The following ABCD3 variants were observed in gnomAD, a reference collection of about 807,000 sequenced individuals.
ABCD3 encodes the protein ATP-binding cassette sub-family D member 3.
ABCD3 carries 41 observed loss-of-function variants against 105.5 expected under a neutral mutation model. That is an observed-to-expected ratio of 0.39 (90% CI 0.30 to 0.50). The LOEUF is 0.50. Ranked by LOEUF, ABCD3 falls within the 20% of genes least tolerant of loss-of-function variation. ABCD3 has a pLI of 0.84. For synonymous variants in ABCD3, 258 were observed against 269.0 expected (o/e 0.96, Z 0.40); for missense variants, 622 against 806.3 (o/e 0.77, Z 2.77).
At chr1:94,502,412 G>A (rs559460742) in intron 20 of ABCD3, among the ~76,000 whole-genome samples, 4 of 151,766 alleles carry the variant, frequency 2.6e-5, no homozygotes, top group Non-Finnish European at 5.9e-5. Context: ...AAAGATGACA[G>A]ACAGTATGTC....
Position 94,518,523 on chromosome 1 carries a change from T to C in ABCD3, c.*1394T>C, listed in dbSNP as rs1176281987. ...AAAAAAAAAAAAAAAAACTCAGATA[T>C]CCTATACAACCTTTGCTTGTTCTTT... On this transcript the variant is annotated 3_prime_UTR_variant, in exon 23 of 23. Transcript: ENST00000370214. The C allele has an allele frequency of 6.6e-6, 1 of 151,078 alleles. No homozygotes were observed. 9.4% of individuals were successfully genotyped at this position (151,078 alleles called of 1,614,324 possible).
At chr1:94,480,697 G>C (rs553409206) in intron 9 of ABCD3, 91 bp downstream of exon 9, 18 of 1,327,782 alleles carry the variant, frequency 1.4e-5, no homozygotes, top group Non-Finnish European at 1.9e-5. Flanking sequence ...TAGTGACACT[G>C]TTACTGTAAT....
chr1:94,452,273 A>G (rs1647293670), intron 1 of ABCD3, among the ~76,000 whole-genome samples: 1 of 152,232 alleles, frequency 6.6e-6, no homozygotes, highest in Non-Finnish European at 1.5e-5. Context: ...TAGTAATCAA[A>G]TAAGTTGATT....
intron 4 of ABCD3, among the ~76,000 whole-genome samples, chr1:94,468,892 A>T (rs200853162): frequency 9.2e-4 from 1 of 1,088 alleles, no homozygotes; most frequent in Non-Finnish European, 0.25. Flanking sequence ...TTGTATGTAT[A>T]AGGATTAAAG....
intron 1 of ABCD3, among the ~76,000 whole-genome samples, chr1:94,433,804 G>A (rs1407618091): frequency 6.8e-6 from 1 of 147,214 alleles, no homozygotes; most frequent in African/African-American, 2.5e-5. Flanking sequence ...GGGCCATCAT[G>A]CCCTGCTAAT....
intron 22 of ABCD3, among the ~76,000 whole-genome samples, chr1:94,516,444 T>G (rs1650925873): frequency 6.6e-6 from 1 of 151,956 alleles, no homozygotes; most frequent in South Asian, 2.1e-4. Context: ...GCCTTTATGT[T>G]TTCTCGGAAG....
At chr1:94,428,369 T>C (rs1475609922) in intron 1 of ABCD3, among the ~76,000 whole-genome samples, 1 of 152,204 alleles carries the variant, frequency 6.6e-6, no homozygotes, top group Admixed American at 6.5e-5. Flanking sequence ...TATTAATACA[T>C]TTATTGGCAT....
chr1:94,394,902 T>C, the ABCD3 span, among the ~76,000 whole-genome samples: 3 of 152,198 alleles, frequency 2.0e-5, no homozygotes, highest in Non-Finnish European at 2.9e-5. Context: ...TTCAATCGTG[T>C]CTATCTTGTT....
At chr1:94,452,004 C>T (rs1295175185) in intron 1 of ABCD3, among the ~76,000 whole-genome samples, 3 of 152,212 alleles carry the variant, frequency 2.0e-5, no homozygotes, top group Non-Finnish European at 4.4e-5. Flanking sequence ...CTCATACCCA[C>T]TGTCTTTGTT....
At chr1:94,426,547 A>ATT (rs552328622) in intron 1 of ABCD3, among the ~76,000 whole-genome samples, 1 of 143,100 alleles carries the variant, frequency 7.0e-6, no homozygotes, top group African/African-American at 2.6e-5. Context: ...GATGTGTTTG[A>ATT]TTTTTTTTTT....
intron 15 of ABCD3, 132 bp from the exon 16 acceptor site, chr1:94,491,052 A>T: frequency 1.5e-6 from 1 of 657,380 alleles, no homozygotes; most frequent in Non-Finnish European, 2.7e-6. Context: ...TGGCCATCTG[A>T]ATTTCTTCTT....
At chr1:94,500,396 A>C (rs1347339530) in intron 20 of ABCD3, among the ~76,000 whole-genome samples, 7 of 152,156 alleles carry the variant, frequency 4.6e-5, no homozygotes, top group Admixed American at 4.6e-4. Flanking sequence ...CTGTGATCAC[A>C]CACCGTGGCA....
intron 9 of ABCD3, 49 bp from the exon 10 acceptor site, chr1:94,483,121 C>T (rs1241025253): frequency 5.7e-6 from 7 of 1,219,052 alleles, no homozygotes; most frequent in Non-Finnish European, 8.5e-6. Context: ...AATTATTTTC[C>T]AAGCATAGGT....
chr1:94,420,046 G>A lies in ABCD3; in HGVS notation c.110+1458G>A, dbSNP rs1659197713. On this transcript the variant is annotated intron_variant, in intron 1 of 22. Coordinates refer to ENST00000370214, the MANE Select transcript of ABCD3 (RefSeq NM_002858.4). Reference sequence around the variant, plus strand: ...AGAAGTGTTTCAGGGCATAGAACAGGTGTTTTAATATGGAGGAGGGGACTC... The same window carrying A: ...AGAAGTGTTTCAGGGCATAGAACAGATGTTTTAATATGGAGGAGGGGACTC... Among the ~76,000 whole-genome samples, 6 of 152,184 alleles carry A rather than the reference G, an allele frequency of 3.9e-5. 1 individual carries two copies. The South Asian group carries it at 1.2e-3, about 32-fold the overall frequency.
At chr1:94,460,564 A>T (rs140649605) in intron 2 of ABCD3, among the ~76,000 whole-genome samples, 1 of 152,154 alleles carries the variant, frequency 6.6e-6, no homozygotes, top group African/African-American at 2.4e-5. Context: ...CATGGAGCTT[A>T]CATTCTGCAT....
intron 22 of ABCD3, among the ~76,000 whole-genome samples, chr1:94,516,009 A>G (rs1292840306): frequency 6.6e-6 from 1 of 151,996 alleles, no homozygotes; most frequent in Non-Finnish European, 1.5e-5. Context: ...TCCACAAAAT[A>G]CATACCTGAT....
intron 20 of ABCD3, among the ~76,000 whole-genome samples, chr1:94,505,338 G>GGAA (rs1650298656): frequency 6.7e-6 from 1 of 149,790 alleles, no homozygotes; most frequent in Non-Finnish European, 1.5e-5. Flanking sequence ...CTGAGTAGTT[G>GGAA]GAACCACAGA....
intron 21 of ABCD3, among the ~76,000 whole-genome samples, chr1:94,513,047 A>C (rs374498598): frequency 1.3e-5 from 2 of 152,076 alleles, no homozygotes; most frequent in Non-Finnish European, 2.9e-5. Context: ...AAATTCTAAG[A>C]TGATTCAAAT....
intron 20 of ABCD3, among the ~76,000 whole-genome samples, chr1:94,504,769 C>T (rs1251288843): frequency 6.6e-6 from 1 of 152,116 alleles, no homozygotes; most frequent in Non-Finnish European, 1.5e-5. Flanking sequence ...TCTCTGGTTA[C>T]ATGGAGAGTG....
Sources: gnomAD v4.1 joint callset for allele counts (sites outside exome capture counted in the v4.1 genomes callset) on GRCh38, gnomAD v4.1.1 for gene constraint, MANE v1.5 for transcripts, NCBI Gene and HGNC (gene_info 2026-07-23, HGNC 2026-07-21) for gene names.